Variants in CSMD2 observed in about 807,000 individuals in gnomAD.
The protein encoded by CSMD2 is CUB and sushi domain-containing protein 2.
A neutral mutation model predicts 398.5 loss-of-function variants in CSMD2; 130 were observed. The ratio of observed to expected loss-of-function variants is 0.33; its 90% CI spans 0.28 to 0.38. CSMD2 has a LOEUF of 0.38. Ranked by LOEUF, CSMD2 falls within the 10% of genes least tolerant of loss-of-function variation. CSMD2 has a pLI of 1.00. For missense variants in CSMD2, 3,829 were observed against 4,764.9 expected (o/e 0.80, Z 5.78); for synonymous variants, 1,828 against 1,908.5 (o/e 0.96, Z 1.10).
chr1:33,999,369 A>C (rs1646824876), intron 3 of CSMD2, among the ~76,000 whole-genome samples: 1 of 152,046 alleles, frequency 6.6e-6, no homozygotes, highest in Non-Finnish European at 1.5e-5. Context: ...TATGGTAACT[A>C]GATACTTTTT....
Position 33,537,517 on chromosome 1 carries a change from G to T in CSMD2, c.9724C>A (p.Pro3242Thr). 1 of 1,614,170 alleles carries T rather than the reference G, an allele frequency of 6.2e-7. No homozygotes were observed. Among genetic ancestry groups the T allele is most frequent in the Non-Finnish European group, 8.5e-7 (1 of 1,180,004 alleles). Residue 3242 changes from proline to threonine, a missense_variant, in exon 61 of 71, where the codon CCC becomes ACC. By Grantham distance (38) the Pro-to-Thr change is conservative. Around this residue, in one of 5 missense-constraint regions of CSMD2, gnomAD observed 917 missense variants for 1,199.5 expected, o/e 0.76. Transcript: ENST00000373381. This position sits in a 1 kb window ranked among gnomAD's most constrained non-coding sequence, Gnocchi z 4.6. ...GGAGAGCCCACCAGCACCAGAGGGG[G>T]ATGGCAGGAGAAGGAGACAGATGAC... The part of the protein sequence containing the change: ...YRSSVSFSCH[P>T]PLVLVGSPRR...
intron 25 of CSMD2, among the ~76,000 whole-genome samples, chr1:33,670,271 A>T (rs560378063): frequency 9.2e-5 from 14 of 151,638 alleles, no homozygotes; most frequent in Non-Finnish European, 2.1e-4. Flanking sequence ...CCAGTGTCTC[A>T]TTCACTTCTA....
chr1:33,768,535 CATGTGTGTGTGTGT>C (rs1157978217), intron 13 of CSMD2, among the ~76,000 whole-genome samples: 2 of 114,506 alleles, frequency 1.7e-5, no homozygotes, highest in African/African-American at 3.3e-5. Flanking sequence ...TGTGTGCGTG[CATGTGTGTGTGTGT>C]GTGTGTGTGT....
At chr1:33,560,055 T>C (rs972079011) in intron 53 of CSMD2, among the ~76,000 whole-genome samples, 1 of 152,200 alleles carries the variant, frequency 6.6e-6, no homozygotes, top group East Asian at 1.9e-4. Context: ...TTGGGAGTAA[T>C]GAGCTGGCAT....
chr1:33,538,328 C>T (rs1211336319), intron 60 of CSMD2, among the ~76,000 whole-genome samples: 4 of 152,098 alleles, frequency 2.6e-5, no homozygotes, highest in African/African-American at 7.2e-5. Flanking sequence ...ATTTACACTG[C>T]GGTGGGTAGT....
intron 2 of CSMD2, among the ~76,000 whole-genome samples, chr1:34,087,959 A>T (rs1463007006): frequency 6.6e-6 from 1 of 152,174 alleles, no homozygotes; most frequent in Non-Finnish European, 1.5e-5. Flanking sequence ...GAAGCTGCAG[A>T]AGGGGTGCAG....
rs145942919 is a variant in CSMD2 at position 33,880,498 on chromosome 1, G to A, written c.921-33502C>T. Among the ~76,000 whole-genome samples, 52 of 152,228 alleles carry A rather than the reference G, an allele frequency of 3.4e-4. 1 individual carries two copies. The highest frequency in any genetic ancestry group is 2.4e-4 in the Non-Finnish European group (16 of 68,010). Reference sequence around the variant, plus strand: ...AGGATTTTTGAGCTAATGTGTAGTCGGTATGGGATTTGCATTTAAAAACTA... The same window carrying A: ...AGGATTTTTGAGCTAATGTGTAGTCAGTATGGGATTTGCATTTAAAAACTA... On this transcript the variant is annotated intron_variant, in intron 5 of 70. Coordinates refer to ENST00000373381, the MANE Select transcript of CSMD2 (RefSeq NM_001281956.2).
intron 1 of CSMD2, among the ~76,000 whole-genome samples, chr1:34,141,153 A>C: frequency 6.7e-6 from 1 of 149,648 alleles, no homozygotes; most frequent in Non-Finnish European, 1.5e-5. Context: ...ACCTACCCAT[A>C]CCCCCCACCC....
intron 33 of CSMD2, among the ~76,000 whole-genome samples, chr1:33,625,800 G>A (rs940144868): frequency 4.3e-4 from 65 of 152,254 alleles, no homozygotes; most frequent in African/African-American, 1.5e-3. Context: ...GAATGAACAG[G>A]ACCATGCTTA....
chr1:33,781,513 T>C (rs1181410413), intron 12 of CSMD2, among the ~76,000 whole-genome samples: 5 of 152,158 alleles, frequency 3.3e-5, no homozygotes, highest in African/African-American at 7.2e-5. Flanking sequence ...GATGAGCTCA[T>C]TTCTAACATG....
chr1:33,680,189 T>C (rs996975149), intron 25 of CSMD2, among the ~76,000 whole-genome samples: 1 of 149,182 alleles, frequency 6.7e-6, no homozygotes, highest in Non-Finnish European at 1.5e-5. Context: ...AAAGCAATAT[T>C]GTGATCCCTG....
At chr1:33,719,730 C>T (rs1032530317) in intron 19 of CSMD2, among the ~76,000 whole-genome samples, 2 of 152,188 alleles carry the variant, frequency 1.3e-5, no homozygotes, top group Middle Eastern at 3.2e-3. Flanking sequence ...TTGCTTAACA[C>T]CTCAGGTTCC....
intron 8 of CSMD2, 49 bp from the exon 9 acceptor site, chr1:33,819,886 C>A (rs915283761): frequency 3.7e-6 from 6 of 1,608,906 alleles, no homozygotes; most frequent in Non-Finnish European, 5.1e-6. Flanking sequence ...CCTGCCAAGC[C>A]CCGCCCCAAG....
chr1:33,716,828 C>A (rs1646187874), intron 19 of CSMD2, among the ~76,000 whole-genome samples: 1 of 152,144 alleles, frequency 6.6e-6, no homozygotes, highest in South Asian at 2.1e-4. Context: ...TTAATTCATC[C>A]AACAAGCATT....
intron 5 of CSMD2, among the ~76,000 whole-genome samples, chr1:33,893,433 G>A (rs1184115765): frequency 1.3e-5 from 2 of 152,240 alleles, no homozygotes; most frequent in Non-Finnish European, 2.9e-5. Flanking sequence ...GGATGGGGAA[G>A]TGAAGCACAA....
At chr1:33,950,785 A>G (rs1383549204) in intron 3 of CSMD2, among the ~76,000 whole-genome samples, 1 of 152,158 alleles carries the variant, frequency 6.6e-6, no homozygotes, top group African/African-American at 2.4e-5. Context: ...GTCCTGGGGC[A>G]CAGGTCATAT....
intron 1 of CSMD2, among the ~76,000 whole-genome samples, chr1:34,162,375 T>C (rs1353593274): frequency 1.3e-5 from 2 of 152,078 alleles, no homozygotes; most frequent in African/African-American, 4.8e-5. Context: ...CAGTGATCAC[T>C]GAGCCGAGGA....
intron 1 of CSMD2, among the ~76,000 whole-genome samples, chr1:34,157,795 G>A (rs2148574663): frequency 6.6e-6 from 1 of 151,940 alleles, no homozygotes; most frequent in East Asian, 1.9e-4. Context: ...TCCTACTTGA[G>A]CTCAGTCTAC....
intron 3 of CSMD2, among the ~76,000 whole-genome samples, chr1:34,013,981 A>G (rs1235780110): frequency 6.6e-6 from 1 of 152,004 alleles, no homozygotes; most frequent in Non-Finnish European, 1.5e-5. Flanking sequence ...TGCTCTTCCT[A>G]TGGGCTTTGC....
Sources: allele counts gnomAD v4.1 joint callset (sites outside exome capture counted in the v4.1 genomes callset), GRCh38; gene constraint gnomAD v4.1.1; regional missense constraint gnomAD v4.1.1; non-coding constraint Gnocchi (gnomAD v3.1); transcripts MANE v1.5; gene names NCBI Gene and HGNC (gene_info 2026-07-23, HGNC 2026-07-21).